AGAP1: variants seen among roughly 807,000 people sequenced by gnomAD.
AGAP1 encodes arf-GAP with GTPase, ANK repeat and PH domain-containing protein 1.
In AGAP1, 29 loss-of-function variants were observed where a neutral mutation model predicts 105.3. That is an observed-to-expected ratio of 0.28 (90% confidence interval 0.21 to 0.38). The LOEUF is 0.38. Ranked by LOEUF, AGAP1 falls within the 10% of genes least tolerant of loss-of-function variation. The pLI, the probability that AGAP1 is intolerant of heterozygous loss-of-function variation, is 1.00. For missense variants in AGAP1, 998 were observed against 1,165.1 expected, an observed-to-expected ratio of 0.86 and a Z score of 2.09; for synonymous variants, 509 against 485.9, an observed-to-expected ratio of 1.05 and a Z score of -0.63.
chr2:235,690,689 G>C lies in AGAP1; in HGVS notation c.164-18490G>C, dbSNP rs1949694308. Among the ~76,000 whole-genome samples the C allele has an allele frequency of 6.6e-6, 1 of 152,174 alleles. No homozygotes were observed. Among genetic ancestry groups the C allele is most frequent in the Admixed American group, 6.5e-5 (1 of 15,284 alleles). On this transcript the variant is annotated intron_variant, in intron 1 of 17. Transcript: ENST00000304032. The surrounding 1 kb of genome is among the most constrained non-coding windows in gnomAD (Gnocchi z 4.1). ...CTGAATGTGTTTGAAGGAGCTCTTT[G>C]GAAAGAGGTGCAGGCTTCCGGCTAT...
rs1323871049 is a variant in AGAP1 at position 235,769,123 on chromosome 2, T to C, written c.673+18635T>C. On this transcript the variant is annotated intron_variant, in intron 6 of 17. Coordinates refer to ENST00000304032, the MANE Select transcript of AGAP1 (RefSeq NM_001037131.3). This position sits in a 1 kb window ranked among gnomAD's most constrained non-coding sequence, Gnocchi z 4.4. ...TCAGATATTTTGTTTTCCTGGGTAT[T>C]TTCCCTCTTCTGGGTTCTTAGTGCC... 1.3e-5 allele frequency among the ~76,000 whole-genome samples: 2 copies of C among 152,162 alleles called. No individual in the cohort carries two copies. The highest frequency in any genetic ancestry group is 2.9e-5 in the Non-Finnish European group (2 of 68,022).
At chr2:235,536,541 A>T (rs1041239655) in intron 1 of AGAP1, among the ~76,000 whole-genome samples, 1 of 147,190 alleles carries the variant, frequency 6.8e-6, no homozygotes, top group Admixed American at 6.7e-5. Flanking sequence ...ACACATACAC[A>T]TACAGCAGGA....
In AGAP1 at chr2:235,577,722, G is replaced by T. The variant is rs377739909; in HGVS notation, c.163+82873G>T. Among the ~76,000 whole-genome samples, 23 of 152,166 alleles carry T rather than the reference G, an allele frequency of 1.5e-4. No individual in the cohort carries two copies. The highest frequency in any genetic ancestry group is 5.6e-4 in the African/African-American group (23 of 41,432). ...TCCCCTCGAAGGCTTGGCTGATTGA[G>T]CCAGTAAACAAAAAGTGCATTCAAC... is the stretch of plus-strand genomic sequence containing the variant. On this transcript the variant is annotated intron_variant, in intron 1 of 17. Transcript: ENST00000304032. This position sits in a 1 kb window ranked among gnomAD's most constrained non-coding sequence, Gnocchi z 4.5.
chr2:236,081,170 AGAGTT>A (rs936092373), intron 16 of AGAP1, among the ~76,000 whole-genome samples: 2 of 152,166 alleles, frequency 1.3e-5, no homozygotes, highest in African/African-American at 4.8e-5. Context: ...GGGTGCAGAC[AGAGTT>A]GTCTGTTGGA....
At chr2:235,572,734 T>G (rs1944570577) in intron 1 of AGAP1, among the ~76,000 whole-genome samples, 1 of 152,218 alleles carries the variant, frequency 6.6e-6, no homozygotes, top group Non-Finnish European at 1.5e-5. Context: ...CTTAGAGTCT[T>G]CCTGCTCTGG....
In AGAP1 at chr2:235,557,468, C is replaced by A. The variant is rs1944010457; in HGVS notation, c.163+62619C>A. Among the ~76,000 whole-genome samples the A allele has an allele frequency of 6.6e-6, 1 of 152,172 alleles. No individual in the cohort carries two copies. The highest frequency in any genetic ancestry group is 6.5e-5 in the Admixed American group (1 of 15,278). On this transcript the variant is annotated intron_variant, in intron 1 of 17. Coordinates refer to ENST00000304032, the MANE Select transcript of AGAP1 (RefSeq NM_001037131.3). This position sits in a 1 kb window ranked among gnomAD's most constrained non-coding sequence, Gnocchi z 4.7. ...TGGTAAAAGGCATGAAGTCTGAGTT[C>A]ATTCCGAAGATTCTGGCTTTTGAGA...
rs80077461 is a variant in AGAP1 at position 235,830,040 on chromosome 2, G to A, written c.1050+22709G>A. Among the ~76,000 whole-genome samples the A allele has an allele frequency of 3.0e-3, 450 of 152,302 alleles. 5 individuals are homozygous for A. The highest frequency in any genetic ancestry group is 0.018 in the East Asian group (92 of 5,178). On this transcript the variant is annotated intron_variant, in intron 9 of 17. Coordinates refer to ENST00000304032, the MANE Select transcript of AGAP1 (RefSeq NM_001037131.3). The surrounding 1 kb of genome is among the most constrained non-coding windows in gnomAD (Gnocchi z 5.5). ...ATACACAGTCAGAAGGAAGACTGGGGGTCGGGGTGGGACAGCATGATGCAG... is the reference window on the plus strand; with the variant it reads ...ATACACAGTCAGAAGGAAGACTGGGAGTCGGGGTGGGACAGCATGATGCAG...
chr2:236,014,738 A>G lies in AGAP1; in HGVS notation c.1646-21823A>G. Reference sequence around the variant, plus strand: ...TGACCTTTTTTTTTCTCCCCTTTTCATTTGTTTTCTTTTCCTTTTTGTTTT... The same window carrying G: ...TGACCTTTTTTTTTCTCCCCTTTTCGTTTGTTTTCTTTTCCTTTTTGTTTT... On this transcript the variant is annotated intron_variant, in intron 13 of 17. Coordinates refer to ENST00000304032, the MANE Select transcript of AGAP1 (RefSeq NM_001037131.3). This position sits in a 1 kb window ranked among gnomAD's most constrained non-coding sequence, Gnocchi z 6.3. 2.7e-6 allele frequency: 1 copy of G among 376,306 alleles called. No individual in the cohort carries two copies. The highest frequency in any genetic ancestry group is 2.0e-5 in the South Asian group (1 of 49,906). The allele number at this position is 376,306 out of a possible 1,614,324, so 23.3% of individuals were successfully genotyped here.
chr2:236,069,388 TTA>T (rs1458060825), intron 16 of AGAP1, among the ~76,000 whole-genome samples: 1 of 152,190 alleles, frequency 6.6e-6, no homozygotes, highest in Non-Finnish European at 1.5e-5. Flanking sequence ...TATGCATTAT[TTA>T]TACATATGAG....
chr2:236,005,071 A>G lies in AGAP1; in HGVS notation c.1646-31490A>G, dbSNP rs367587275. 2.0e-5 allele frequency among the ~76,000 whole-genome samples: 3 copies of G among 152,270 alleles called. No homozygotes were observed. Among genetic ancestry groups the G allele is most frequent in the Admixed American group, 6.5e-5 (1 of 15,288 alleles). ...TTTAGAAAAATTGAGGAGATATTAT[A>G]GGTTATTCCCATAGGCTTCCCACCA... On this transcript the variant is annotated intron_variant, in intron 13 of 17. Transcript: ENST00000304032. This position sits in a 1 kb window ranked among gnomAD's most constrained non-coding sequence, Gnocchi z 4.1.
intron 13 of AGAP1, among the ~76,000 whole-genome samples, chr2:236,019,145 A>G (rs552968543): frequency 6.6e-6 from 1 of 152,292 alleles, no homozygotes; most frequent in East Asian, 1.9e-4. Context: ...TAAACAAATT[A>G]CAGGCCCACA....
chr2:235,989,563 G>A lies in AGAP1; in HGVS notation c.1645+20940G>A, dbSNP rs570085843. On this transcript the variant is annotated intron_variant, in intron 13 of 17. Transcript: ENST00000304032. This position sits in a 1 kb window ranked among gnomAD's most constrained non-coding sequence, Gnocchi z 4.4. Reference sequence around the variant, plus strand: ...GTGGCGTAGCTGAGGGGCTGCCTGCGTGCAAGGAGGACATGAGGCCACATA... The same window carrying A: ...GTGGCGTAGCTGAGGGGCTGCCTGCATGCAAGGAGGACATGAGGCCACATA... 7.2e-5 allele frequency among the ~76,000 whole-genome samples: 11 copies of A among 152,130 alleles called. No homozygotes were observed. Among genetic ancestry groups the A allele is most frequent in the Non-Finnish European group, 8.8e-5 (6 of 68,008 alleles).
At chr2:235,939,440 G>A (rs1575830583) in intron 12 of AGAP1, among the ~76,000 whole-genome samples, 1 of 151,872 alleles carries the variant, frequency 6.6e-6, no homozygotes, top group East Asian at 2.0e-4. Context: ...TCCTGTCCCA[G>A]CGGTTTCTCC....
chr2:236,020,430 C>T lies in AGAP1; in HGVS notation c.1646-16131C>T, dbSNP rs1482581743. Reference sequence around the variant, plus strand: ...TATCTAGACTTTTAAACCTACCCTCCTGCTTCCATTTGCTGTCATCTGAGA... The same window carrying T: ...TATCTAGACTTTTAAACCTACCCTCTTGCTTCCATTTGCTGTCATCTGAGA... On this transcript the variant is annotated intron_variant, in intron 13 of 17. Transcript: ENST00000304032. This position sits in a 1 kb window ranked among gnomAD's most constrained non-coding sequence, Gnocchi z 5.0. Among the ~76,000 whole-genome samples the T allele has an allele frequency of 6.6e-6, 1 of 152,214 alleles. No homozygotes were observed. Among genetic ancestry groups the T allele is most frequent in the East Asian group, 1.9e-4 (1 of 5,206 alleles).
At chr2:235,637,149 A>C (rs978483272) in intron 1 of AGAP1, among the ~76,000 whole-genome samples, 1 of 152,184 alleles carries the variant, frequency 6.6e-6, no homozygotes, top group Non-Finnish European at 1.5e-5. Flanking sequence ...TCACTGTGGG[A>C]TTCAGCATCT....
At chr2:235,643,517 T>C (rs920678243) in intron 1 of AGAP1, among the ~76,000 whole-genome samples, 1 of 150,724 alleles carries the variant, frequency 6.6e-6, no homozygotes, top group African/African-American at 2.4e-5. Flanking sequence ...TAATGTGTTG[T>C]CAAGGAGCAA....
At chr2:235,568,692 G>A (rs1031819647) in intron 1 of AGAP1, among the ~76,000 whole-genome samples, 32 of 152,204 alleles carry the variant, frequency 2.1e-4, no homozygotes, top group African/African-American at 7.2e-4. Context: ...AACAGCACAC[G>A]TCATTCTCTT....
intron 1 of AGAP1, among the ~76,000 whole-genome samples, chr2:235,526,644 T>C (rs999587625): frequency 6.9e-6 from 1 of 144,780 alleles, no homozygotes; most frequent in Non-Finnish European, 1.5e-5. Context: ...AAAAAGTTTT[T>C]ACAAGTAATA....
rs1364126836 is a variant in AGAP1, at chr2:235,740,939, C to G, written c.311-24C>G. On this transcript the variant is annotated intron_variant, in intron 3 of 17. Transcript: ENST00000304032. This position sits in a 1 kb window ranked among gnomAD's most constrained non-coding sequence, Gnocchi z 5.7. Reference sequence around the variant, plus strand: ...CTCACTCTCTGTTGTTCTCGTGTAACGAGATGTTTTGTGTGTGTGGCAGGT... The same window carrying G: ...CTCACTCTCTGTTGTTCTCGTGTAAGGAGATGTTTTGTGTGTGTGGCAGGT... 6.2e-7 allele frequency: 1 copy of G among 1,614,004 alleles called. No individual in the cohort carries two copies. Among genetic ancestry groups the G allele is most frequent in the South Asian group, 1.1e-5 (1 of 91,066 alleles).
Sources: allele counts gnomAD v4.1 joint callset (sites outside exome capture counted in the v4.1 genomes callset), GRCh38; gene constraint gnomAD v4.1.1; non-coding constraint Gnocchi (gnomAD v3.1); transcripts MANE v1.5; gene names NCBI Gene and HGNC (gene_info 2026-07-23, HGNC 2026-07-21).